The following SCP2 variants were observed in gnomAD, a reference collection of about 807,000 sequenced individuals.
SCP2 encodes SCP-2/3-oxoacyl-CoA thiolase.
A neutral mutation model predicts 71.4 loss-of-function variants in SCP2; 48 were observed. That is an observed-to-expected ratio of 0.67 (90% CI 0.53 to 0.86). The LOEUF (loss-of-function observed/expected upper bound fraction) is 0.86. Ranked by LOEUF, SCP2 falls within the 40% of genes least tolerant of loss-of-function variation. The probability of loss-of-function intolerance (pLI) is 0.00; values close to 1 mark genes in which losing one functional copy is unlikely to be tolerated. For missense variants in SCP2, 560 were observed against 655.6 expected, an observed-to-expected ratio of 0.85 and a Z score of 1.59; for synonymous variants, 220 against 218.1, an observed-to-expected ratio of 1.01 and a Z score of -0.08.
chr1:53,050,482 G>A (rs1664135252), intron 15 of SCP2, 127 bp from the exon 16 acceptor site: 1 of 672,038 alleles, frequency 1.5e-6, no homozygotes, highest in Non-Finnish European at 2.6e-6. Context: ...AGAAAGCCAA[G>A]TTTCATATTT....
intron 10 of SCP2, among the ~76,000 whole-genome samples, chr1:52,986,463 G>A (rs1223722044): frequency 6.6e-6 from 1 of 152,152 alleles, no homozygotes; most frequent in African/African-American, 2.4e-5. Context: ...CTTAGCCAAT[G>A]GTTTTATCTA....
chr1:52,997,621 A>G (rs1205834186), intron 11 of SCP2, among the ~76,000 whole-genome samples: 1 of 152,244 alleles, frequency 6.6e-6, no homozygotes, highest in African/African-American at 2.4e-5. Flanking sequence ...GTGGTTGCTT[A>G]GGACTAGGGA....
chr1:52,970,775 G>A (rs942624422), intron 6 of SCP2, among the ~76,000 whole-genome samples: 2 of 151,470 alleles, frequency 1.3e-5, no homozygotes, highest in Non-Finnish European at 2.9e-5. Flanking sequence ...AAAGGTTTGT[G>A]TAGAAACGTG....
At chr1:53,028,642 A>G (rs1196307887) in intron 13 of SCP2, among the ~76,000 whole-genome samples, 1 of 152,062 alleles carries the variant, frequency 6.6e-6, no homozygotes, top group African/African-American at 2.4e-5. Context: ...TTTTAAACAA[A>G]AGTTTAAAAT....
chr1:53,045,645 C>T (rs1044887879), intron 14 of SCP2, among the ~76,000 whole-genome samples: 9 of 152,078 alleles, frequency 5.9e-5, no homozygotes, highest in Admixed American at 5.2e-4. Flanking sequence ...GTTTTAGTTC[C>T]TCCACATTTT....
intron 6 of SCP2, among the ~76,000 whole-genome samples, chr1:52,973,261 T>C (rs556487795): frequency 6.6e-6 from 1 of 152,294 alleles, no homozygotes; most frequent in East Asian, 1.9e-4. Context: ...CATAGTGCAA[T>C]AGTAAAGGCT....
At chr1:53,048,345 G>T in intron 15 of SCP2, 1 of 270,804 alleles carries the variant, frequency 3.7e-6, no homozygotes, top group South Asian at 4.4e-5. Flanking sequence ...AGGGAGGGGT[G>T]GCATGAACAA....
chr1:53,035,856 C>T (rs1315895628), intron 13 of SCP2, among the ~76,000 whole-genome samples: 1 of 151,558 alleles, frequency 6.6e-6, no homozygotes, highest in Admixed American at 6.6e-5. Context: ...GAGATTCATA[C>T]AAAAATGCAA....
chr1:53,016,624 C>T (rs1474724230), intron 12 of SCP2, among the ~76,000 whole-genome samples: 2 of 151,948 alleles, frequency 1.3e-5, no homozygotes, highest in African/African-American at 2.4e-5. Flanking sequence ...GAAGGGCATT[C>T]CAAGTCTGTA....
At chr1:53,011,799 C>T (rs550322916) in intron 11 of SCP2, among the ~76,000 whole-genome samples, 6 of 152,132 alleles carry the variant, frequency 3.9e-5, no homozygotes, top group African/African-American at 1.2e-4. Flanking sequence ...CTCACCTTTC[C>T]GACATCTAGT....
chr1:53,000,453 T>G (rs1178442701), intron 11 of SCP2, among the ~76,000 whole-genome samples: 1 of 152,212 alleles, frequency 6.6e-6, no homozygotes, highest in Non-Finnish European at 1.5e-5. Flanking sequence ...CCTTTTGTCG[T>G]AGTTCAGCCT....
At chr1:53,043,740 C>T (rs919447843) in intron 14 of SCP2, among the ~76,000 whole-genome samples, 1 of 152,208 alleles carries the variant, frequency 6.6e-6, no homozygotes. Context: ...AGCCCCCTTT[C>T]AATGACCGAG....
At chr1:52,977,759 G>A (rs948326974) in intron 8 of SCP2, among the ~76,000 whole-genome samples, 3 of 152,068 alleles carry the variant, frequency 2.0e-5, no homozygotes, top group African/African-American at 7.2e-5. Context: ...TTGGGAGTTC[G>A]AGACCAACCT....
chr1:53,050,585 A>G lies in SCP2; in HGVS notation c.1549-24A>G, dbSNP rs751971067. 6.0e-6 allele frequency: 9 copies of G among 1,505,492 alleles called. No homozygotes were observed. The East Asian group carries it at 2.0e-4, about 34-fold the overall frequency. 93.3% of individuals were successfully genotyped at this position (1,505,492 alleles called of 1,614,324 possible). On this transcript the variant is annotated intron_variant, in intron 15 of 15. Coordinates refer to ENST00000371514, the MANE Select transcript of SCP2 (RefSeq NM_002979.5). ...TCTTAAAACAAAAAAACACCAAGTAATGAATTTTCTTTCTTCTTCACAGGC... is the reference window on the plus strand; with the variant it reads ...TCTTAAAACAAAAAAACACCAAGTAGTGAATTTTCTTTCTTCTTCACAGGC...
intron 10 of SCP2, among the ~76,000 whole-genome samples, chr1:52,983,499 A>G (rs964197804): frequency 8.5e-5 from 13 of 152,214 alleles, no homozygotes; most frequent in Admixed American, 6.5e-4. Flanking sequence ...GAAACTGTTC[A>G]CTTTGAATCC....
chr1:52,957,987 T>C (rs200868878), intron 5 of SCP2, among the ~76,000 whole-genome samples: 5 of 152,166 alleles, frequency 3.3e-5, no homozygotes, highest in African/African-American at 7.2e-5. Context: ...ATTATTTTCA[T>C]GTGGATGTCC....
intron 5 of SCP2, among the ~76,000 whole-genome samples, chr1:52,956,314 A>C (rs1209518092): frequency 6.6e-6 from 1 of 152,142 alleles, no homozygotes; most frequent in East Asian, 1.9e-4. Context: ...AAAAAAAGAA[A>C]ATGAGTTGAA....
chr1:53,002,817 A>T (rs963035289), intron 11 of SCP2, among the ~76,000 whole-genome samples: 1 of 152,202 alleles, frequency 6.6e-6, no homozygotes, highest in Admixed American at 6.5e-5. Flanking sequence ...AAATGATGTG[A>T]GAAGAAGTGG....
Position 52,927,434 on chromosome 1 carries a change from G to A in SCP2, c.38G>A (p.Arg13Gln), listed in dbSNP as rs1283507004. Residue 13 changes from arginine to glutamine, a missense_variant, in exon 1 of 16, where the codon CGG becomes CAG. Around this residue, in one of 3 missense-constraint regions of SCP2, gnomAD observed 513 missense variants for 573.1 expected, o/e 0.90. Coordinates refer to ENST00000371514, the MANE Select transcript of SCP2 (RefSeq NM_002979.5). ...CCGTGGGAGCCTGCGACCCTGCGCC[G>A]GGTGTTCGTGGTGGGGGTTGGCATG... ...SSPWEPATLR[R>Q]VFVVGVGMTK... 2 of 1,602,420 alleles carry A rather than the reference G, an allele frequency of 1.2e-6. No homozygotes were observed. The highest frequency in any genetic ancestry group is 1.7e-5 in the Admixed American group (1 of 58,252).
Sources: allele counts gnomAD v4.1 joint callset (sites outside exome capture counted in the v4.1 genomes callset), GRCh38; gene constraint gnomAD v4.1.1; regional missense constraint gnomAD v4.1.1; transcripts MANE v1.5; gene names NCBI Gene and HGNC (gene_info 2026-07-23, HGNC 2026-07-21).